The following ADGRG5 variants were observed in gnomAD, a reference collection of about 807,000 sequenced individuals.
ADGRG5 encodes the protein adhesion G protein-coupled receptor G5.
In ADGRG5, 37 loss-of-function variants were observed where a neutral mutation model predicts 53.2. The ratio of observed to expected loss-of-function variants is 0.70; its 90% CI spans 0.53 to 0.91. The LOEUF (loss-of-function observed/expected upper bound fraction) is 0.91, where lower values mean the gene tolerates loss of function less well. ADGRG5 is among the 40% of genes least tolerant of loss of function. The pLI, the probability that ADGRG5 is intolerant of heterozygous loss-of-function variation, is 0.00. For synonymous variants in ADGRG5, 277 were observed against 290.4 expected (o/e 0.95, Z 0.47); for missense variants, 614 against 675.8 (o/e 0.91, Z 1.01).
At chr16:57,564,537 A>G (rs2146802027) in intron 5 of ADGRG5, among the ~76,000 whole-genome samples, 1 of 152,280 alleles carries the variant, frequency 6.6e-6, no homozygotes, top group African/African-American at 2.4e-5. Context: ...CCTGGCCTCA[A>G]GTGATCCGCC....
At chr16:57,567,349 C>A in intron 7 of ADGRG5, 121 bp from the exon 8 acceptor site, 1 of 1,130,486 alleles carries the variant, frequency 8.8e-7, no homozygotes, top group Non-Finnish European at 1.3e-6. Flanking sequence ...CAAGCCAGGT[C>A]CATGGCTAGG....
chr16:57,568,063 C>G lies in ADGRG5; in HGVS notation c.1029C>G (p.Leu343=). ...AIEGFNLYLL[L]GRVYNIYIRR... ...AGGGCTTCAACCTCTACCTCCTCCTCGGGCGTGTCTACAACATCTACATCC... is the reference window on the plus strand; with the variant it reads ...AGGGCTTCAACCTCTACCTCCTCCTGGGGCGTGTCTACAACATCTACATCC... The change falls in exon 9 of 12, where the codon CTC becomes CTG. Residue 343 remains leucine (L), a synonymous_variant. Transcript: ENST00000349457. The G allele has an allele frequency of 6.2e-7, 1 of 1,614,010 alleles. No homozygotes were observed. Among genetic ancestry groups the G allele is most frequent in the African/African-American group, 1.3e-5 (1 of 75,000 alleles).
chr16:57,562,329 T>G (rs2033023872), intron 2 of ADGRG5, 55 bp from the exon 3 acceptor site: 6 of 1,509,582 alleles, frequency 4.0e-6, no homozygotes, highest in South Asian at 1.2e-5. Context: ...GCCCAGAGGT[T>G]GTGGGGCCAG....
rs559821942 is a variant in ADGRG5, at chr16:57,576,618, A to G, written c.*1080A>G. ...GCCAAGACTGCATCTAGAATCGCTC[A>G]AACACCTGTTTGCAGACCCCATGCA... is the stretch of plus-strand genomic sequence containing the variant. On this transcript the variant is annotated 3_prime_UTR_variant, in exon 12 of 12. Transcript: ENST00000349457. 2.7e-4 allele frequency: 41 copies of G among 152,182 alleles called. No individual in the cohort carries two copies. Among genetic ancestry groups the G allele is most frequent in the Non-Finnish European group, 5.0e-4 (34 of 68,046 alleles). The allele number at this position is 152,182 out of a possible 1,614,324, so 9.4% of individuals were successfully genotyped here.
chr16:57,539,259 G>A (rs1169237680), upstream of ADGRG5, among the ~76,000 whole-genome samples: 2 of 152,172 alleles, frequency 1.3e-5, no homozygotes, highest in African/African-American at 2.4e-5. Flanking sequence ...ACTAAGATGA[G>A]GCACTTAGAG....
At chr16:57,558,156 A>G (rs2032924613) in intron 1 of ADGRG5, among the ~76,000 whole-genome samples, 1 of 152,236 alleles carries the variant, frequency 6.6e-6, no homozygotes, top group African/African-American at 2.4e-5. Flanking sequence ...TTATTTAGAG[A>G]TGGAGTCTCA....
intron 10 of ADGRG5, among the ~76,000 whole-genome samples, chr16:57,570,914 A>G (rs573628190): frequency 1.3e-5 from 2 of 151,146 alleles, no homozygotes; most frequent in South Asian, 2.1e-4. Flanking sequence ...CCAGGCTCCA[A>G]CTCCTCCCGA....
At chr16:57,538,195 G>A (rs72791637), upstream of ADGRG5, among the ~76,000 whole-genome samples, 11,673 of 152,220 alleles carry the variant, frequency 0.077, 581 homozygotes, top group East Asian at 0.19. Flanking sequence ...TGACCCACCC[G>A]ATCGTAGAAC....
upstream of ADGRG5, among the ~76,000 whole-genome samples, chr16:57,540,223 C>T (rs1217324718): frequency 6.6e-6 from 1 of 152,128 alleles, no homozygotes; most frequent in Non-Finnish European, 1.5e-5. Context: ...AGCCTGGCGA[C>T]AGAGTGAGGC....
intron 9 of ADGRG5, among the ~76,000 whole-genome samples, chr16:57,569,210 C>T (rs554778969): frequency 1.4e-5 from 2 of 145,542 alleles, no homozygotes; most frequent in South Asian, 4.8e-4. Context: ...ACCACCTCCT[C>T]CACTTCCTTC....
intron 1 of ADGRG5, among the ~76,000 whole-genome samples, chr16:57,559,739 T>C (rs924280690): frequency 6.7e-6 from 1 of 149,988 alleles, no homozygotes; most frequent in Admixed American, 6.6e-5. Flanking sequence ...AGCTCTCCAG[T>C]AGGCTAAAAA....
At position 57,563,237 on chromosome 16, in the gene ADGRG5, G is replaced by C; in HGVS notation, c.287G>C (p.Arg96Pro). 1 of 1,613,806 alleles carries C rather than the reference G, an allele frequency of 6.2e-7. No homozygotes were observed. The highest frequency in any genetic ancestry group is 8.5e-7 in the Non-Finnish European group (1 of 1,180,004). Reference protein sequence around the residue: ...GLSLTSATLKRVPQAGGQHAR... With the variant: ...GLSLTSATLKPVPQAGGQHAR... Reference sequence around the variant, plus strand: ...TCGCTGACCAGTGCCACTCTGAAGCGGGTGCCCCAGGTCAGAGGCTGCGGG... The same window carrying C: ...TCGCTGACCAGTGCCACTCTGAAGCCGGTGCCCCAGGTCAGAGGCTGCGGG... Residue 96 changes from arginine to proline, a missense_variant, in exon 4 of 12, where the codon CGG (arginine) becomes CCG (proline). Physicochemically the swap from Arg to Pro is moderately radical, Grantham distance 103 (BLOSUM62 -2). Coordinates refer to ENST00000349457, the MANE Select transcript of ADGRG5 (RefSeq NM_001304376.3).
intron 3 of ADGRG5, 96 bp downstream of exon 3, chr16:57,562,555 C>A: frequency 1.3e-6 from 1 of 792,530 alleles, no homozygotes. Context: ...TTCTTCAGCA[C>A]TTTTATTGAG....
At chr16:57,557,360 TG>T (rs1369044648) in intron 1 of ADGRG5, among the ~76,000 whole-genome samples, 1 of 152,230 alleles carries the variant, frequency 6.6e-6, no homozygotes, top group Non-Finnish European at 1.5e-5. Flanking sequence ...CTGTGTACAA[TG>T]GCTCTTTTCT....
chr16:57,548,929 A>G (rs1231633200), intron 1 of ADGRG5, among the ~76,000 whole-genome samples: 3 of 152,286 alleles, frequency 2.0e-5, no homozygotes, highest in African/African-American at 7.2e-5. Flanking sequence ...TTTTGTGTGA[A>G]CACGAGGTTT....
intron 3 of ADGRG5, chr16:57,562,663 T>A: frequency 1.7e-6 from 1 of 578,260 alleles, no homozygotes; most frequent in East Asian, 2.9e-5. Flanking sequence ...CCCTTAATCA[T>A]AGATGTCATG....
chr16:57,563,973 T>G lies in ADGRG5; in HGVS notation c.423T>G (p.Phe141Leu). ...LICIYFSNTH[F>L]FKDENNSSLL... ...GTATCTACTTCTCCAACACCCACTT[T>G]TTCAAGGTCAGTGTGATGGCGGGCC... Residue 141 changes from phenylalanine to leucine, a missense_variant, in exon 5 of 12, where the codon TTT (phenylalanine) becomes TTG (leucine). By Grantham distance (22) the Phe-to-Leu change is conservative. Coordinates refer to ENST00000349457, the MANE Select transcript of ADGRG5 (RefSeq NM_001304376.3). The G allele has an allele frequency of 1.2e-6, 2 of 1,612,232 alleles. No individual in the cohort carries two copies. Among genetic ancestry groups the G allele is most frequent in the Non-Finnish European group, 1.7e-6 (2 of 1,178,546 alleles).
chr16:57,548,272 T>C (rs951530584), intron 1 of ADGRG5, among the ~76,000 whole-genome samples: 1 of 151,706 alleles, frequency 6.6e-6, no homozygotes, highest in Non-Finnish European at 1.5e-5. Flanking sequence ...AAATTATAAA[T>C]GCACAGAAGG....
At chr16:57,572,482 CAAAT>C (rs1295485543) in intron 10 of ADGRG5, among the ~76,000 whole-genome samples, 1 of 150,408 alleles carries the variant, frequency 6.6e-6, no homozygotes, top group Non-Finnish European at 1.5e-5. Flanking sequence ...AACAAACAAA[CAAAT>C]AAAAAACACA....
Sources: gnomAD v4.1 joint callset for allele counts (sites outside exome capture counted in the v4.1 genomes callset) on GRCh38, gnomAD v4.1.1 for gene constraint, MANE v1.5 for transcripts, NCBI Gene and HGNC (gene_info 2026-07-23, HGNC 2026-07-21) for gene names.